The following ROBO2 variants were observed in gnomAD, a reference collection of about 807,000 sequenced individuals.
ROBO2 encodes the protein roundabout guidance receptor 2, also known as roundabout homolog 2.
Under a neutral mutation model 160.8 loss-of-function variants are expected in ROBO2, and 53 were observed. That is an observed-to-expected ratio of 0.33 (90% CI 0.26 to 0.41). ROBO2 has a LOEUF of 0.41. ROBO2 is among the 10% of genes least tolerant of loss of function. ROBO2 has a pLI of 1.00. For missense variants in ROBO2, 1,577 were observed against 1,722.4 expected, an observed-to-expected ratio of 0.92 and a Z score of 1.49; for synonymous variants, 664 against 611.7, an observed-to-expected ratio of 1.09 and a Z score of -1.26.
At chr3:76,220,513 C>T (rs1035389607) in intron 2 of ROBO2, among the ~76,000 whole-genome samples, 3 of 151,956 alleles carry the variant, frequency 2.0e-5, no homozygotes, top group Admixed American at 6.6e-5. Flanking sequence ...CGCCTTGTGA[C>T]GATGCAGCAA....
intron 2 of ROBO2, among the ~76,000 whole-genome samples, chr3:77,358,331 C>T (rs998394824): frequency 3.9e-5 from 6 of 152,228 alleles, no homozygotes; most frequent in Admixed American, 1.3e-4. Flanking sequence ...TTCTTTGTTT[C>T]TTTCCATTGA....
chr3:76,190,022 AT>A (rs1301800190), intron 2 of ROBO2, among the ~76,000 whole-genome samples: 1 of 151,998 alleles, frequency 6.6e-6, no homozygotes, highest in African/African-American at 2.4e-5. Flanking sequence ...GTTCAGCTGT[AT>A]TTTTTTGAAG....
chr3:75,943,176 A>T (rs1467288608), intron 2 of ROBO2, among the ~76,000 whole-genome samples: 1 of 152,174 alleles, frequency 6.6e-6, no homozygotes. Context: ...GATAATTTAG[A>T]CTTTTTTGTT....
intron 2 of ROBO2, among the ~76,000 whole-genome samples, chr3:76,153,837 A>G (rs1010635397): frequency 6.6e-6 from 1 of 152,122 alleles, no homozygotes; most frequent in African/African-American, 2.4e-5. Flanking sequence ...AATGACTTGC[A>G]TCACTTTTAT....
intron 2 of ROBO2, among the ~76,000 whole-genome samples, chr3:77,206,418 G>A (rs192196759): frequency 2.0e-5 from 3 of 151,958 alleles, no homozygotes; most frequent in African/African-American, 7.2e-5. Flanking sequence ...TCCGCCTGCT[G>A]TGGCCTCCTA....
chr3:76,593,567 T>C (rs1319363791), intron 2 of ROBO2, among the ~76,000 whole-genome samples: 1 of 152,104 alleles, frequency 6.6e-6, no homozygotes, highest in East Asian at 1.9e-4. Flanking sequence ...ATCAACACAC[T>C]AACTTATTAA....
intron 2 of ROBO2, among the ~76,000 whole-genome samples, chr3:76,865,893 C>T (rs748117812): frequency 9.5e-4 from 145 of 152,178 alleles, no homozygotes; most frequent in South Asian, 1.2e-3. Flanking sequence ...TCAATTATAG[C>T]TACCTTGTAT....
In ROBO2 at chr3:76,937,415, A is replaced by G. The variant is rs1268072428; in HGVS notation, c.110-160599A>G. On this transcript the variant is annotated intron_variant, in intron 2 of 26. Transcript: ENST00000487694. ...TCAAGATGTATCCTTCTAGTTATTTACCCATGTATTTTTATCACAGCTATA... is the reference window on the plus strand; with the variant it reads ...TCAAGATGTATCCTTCTAGTTATTTGCCCATGTATTTTTATCACAGCTATA... Among the ~76,000 whole-genome samples the G allele has an allele frequency of 3.3e-5, 5 of 152,074 alleles. No individual in the cohort carries two copies. The East Asian group carries it at 7.7e-4, about 23-fold the overall frequency.
chr3:76,190,405 G>A (rs1417122498), intron 2 of ROBO2, among the ~76,000 whole-genome samples: 2 of 152,068 alleles, frequency 1.3e-5, no homozygotes, highest in African/African-American at 2.4e-5. Flanking sequence ...AACGAAGTAT[G>A]TATCATTTAA....
At chr3:77,628,196 T>C (rs901940652) in intron 23 of ROBO2, among the ~76,000 whole-genome samples, 1 of 152,202 alleles carries the variant, frequency 6.6e-6, no homozygotes, top group African/African-American at 2.4e-5. Context: ...AATTCATTGT[T>C]CATTAAATGT....
rs755803796 is a variant in ROBO2, at chr3:77,622,401, C to T, written c.3729C>T (p.Ser1243=). ...GAGCACTGGACCAGACTCCTGGATCCAGCATGGACAATCTAGACAGCTCTG... is the reference window on the plus strand; with the variant it reads ...GAGCACTGGACCAGACTCCTGGATCTAGCATGGACAATCTAGACAGCTCTG... The change falls in exon 23 of 26, where the codon TCC becomes TCT. Residue 1243 remains serine (S), a synonymous_variant. Coordinates refer to ENST00000461745, the Ensembl canonical transcript of ROBO2. The T allele has an allele frequency of 3.1e-6, 5 of 1,614,040 alleles. No individual in the cohort carries two copies. The Middle Eastern group carries it at 4.9e-4, about 160-fold the overall frequency.
At chr3:76,864,539 T>A (rs2071150353) in intron 2 of ROBO2, among the ~76,000 whole-genome samples, 1 of 152,038 alleles carries the variant, frequency 6.6e-6, no homozygotes, top group South Asian at 2.1e-4. Context: ...GTTGACATCA[T>A]ACCATTTCTT....
intron 8 of ROBO2, among the ~76,000 whole-genome samples, chr3:77,553,834 A>G (rs1241795054): frequency 3.4e-4 from 51 of 151,990 alleles, no homozygotes; most frequent in Admixed American, 3.3e-3. Flanking sequence ...GAAAAAAGCC[A>G]TCTTCATAAC....
chr3:77,489,412 C>A (rs1292319934), intron 4 of ROBO2, among the ~76,000 whole-genome samples: 1 of 152,092 alleles, frequency 6.6e-6, no homozygotes, highest in Non-Finnish European at 1.5e-5. Context: ...ATTGTGAAGT[C>A]CTGCACCCCT....
chr3:76,974,871 A>G (rs1246255993), intron 2 of ROBO2, among the ~76,000 whole-genome samples: 1 of 152,162 alleles, frequency 6.6e-6, no homozygotes, highest in African/African-American at 2.4e-5. Context: ...CAAAAGTAGT[A>G]AACAGCTTAC....
At chr3:76,462,897 C>A (rs182702951) in intron 2 of ROBO2, among the ~76,000 whole-genome samples, 28 of 152,124 alleles carry the variant, frequency 1.8e-4, no homozygotes, top group Middle Eastern at 3.4e-3. Context: ...ACCCTTTGTC[C>A]CTCTTTGGGC....
chr3:76,999,562 C>A (rs1397325679), intron 2 of ROBO2, among the ~76,000 whole-genome samples: 1 of 152,048 alleles, frequency 6.6e-6, no homozygotes, highest in Non-Finnish European at 1.5e-5. Flanking sequence ...GTTTTATCCC[C>A]TGGAGAAACT....
At chr3:76,072,328 T>C (rs2068487963) in intron 2 of ROBO2, among the ~76,000 whole-genome samples, 1 of 152,172 alleles carries the variant, frequency 6.6e-6, no homozygotes, top group Non-Finnish European at 1.5e-5. Flanking sequence ...TTCAAAACAT[T>C]GTGTCGAAAC....
At chr3:77,040,969 G>A in intron 1 of ROBO2, 123 bp downstream of exon 1, 1 of 1,313,348 alleles carries the variant, frequency 7.6e-7, no homozygotes, top group East Asian at 2.3e-5. Flanking sequence ...GTCCGTTTTG[G>A]CCCGGCACGG....
Sources: gnomAD v4.1 joint callset for allele counts (sites outside exome capture counted in the v4.1 genomes callset) on GRCh38, gnomAD v4.1.1 for gene constraint, MANE v1.5 for transcripts, NCBI Gene and HGNC (gene_info 2026-07-23, HGNC 2026-07-21) for gene names.